Variants in PECR observed in about 807,000 individuals in gnomAD.
PECR encodes the protein peroxisomal trans-2-enoyl-CoA reductase.
A neutral mutation model predicts 35.3 loss-of-function variants in PECR; 30 were observed. The observed-to-expected ratio is 0.85, with a 90% CI of 0.64 to 1.15. The LOEUF (loss-of-function observed/expected upper bound fraction) is 1.15, where lower values mean the gene tolerates loss of function less well. Among genes scored for constraint, PECR ranks in the 50% most tolerant of loss-of-function variants. PECR has a pLI of 0.00. For missense variants in PECR, 392 were observed against 370.8 expected (o/e 1.06, Z -0.47); for synonymous variants, 148 against 138.9 (o/e 1.07, Z -0.46).
chr2:216,042,340 G>A (rs974050528), intron 7 of PECR, among the ~76,000 whole-genome samples: 8 of 152,306 alleles, frequency 5.3e-5, no homozygotes, highest in Middle Eastern at 3.4e-3. Context: ...GTTTTTGCTC[G>A]CCTCTCACAT....
intron 1 of PECR, among the ~76,000 whole-genome samples, chr2:216,074,948 T>C (rs1311372945): frequency 6.6e-6 from 1 of 152,184 alleles, no homozygotes; most frequent in Non-Finnish European, 1.5e-5. Context: ...TATGCAGCTT[T>C]AAAATGAATG....
downstream of PECR, among the ~76,000 whole-genome samples, chr2:216,034,931 G>A (rs1694769441): frequency 1.3e-5 from 2 of 152,120 alleles, no homozygotes; most frequent in South Asian, 2.1e-4. Context: ...GGCTGTAGAC[G>A]GCCCATTAGC....
At chr2:216,081,539 C>G in intron 1 of PECR, 79 bp downstream of exon 1, 1 of 1,580,186 alleles carries the variant, frequency 6.3e-7, no homozygotes, top group South Asian at 1.1e-5. Flanking sequence ...TCAGCCCCGC[C>G]GAGAGCTCCT....
chr2:216,059,862 T>C (rs978569594), intron 3 of PECR, among the ~76,000 whole-genome samples: 13 of 152,250 alleles, frequency 8.5e-5, no homozygotes, highest in Non-Finnish European at 7.3e-5. Context: ...TTTCTTCTTT[T>C]GCAAAATTGT....
downstream of PECR, chr2:216,033,716 C>T (rs905686841): frequency 6.6e-6 from 1 of 152,414 alleles, no homozygotes; most frequent in African/African-American, 2.4e-5. Context: ...CTCTGTAAGG[C>T]AATGTGAATG....
intron 3 of PECR, among the ~76,000 whole-genome samples, chr2:216,059,661 A>G (rs1191290951): frequency 3.3e-5 from 5 of 152,174 alleles, no homozygotes; most frequent in Non-Finnish European, 7.4e-5. Flanking sequence ...TGTAGTTTCT[A>G]CACGCCACTG....
intron 3 of PECR, among the ~76,000 whole-genome samples, chr2:216,061,970 ATG>A (rs5838567): frequency 6.6e-6 from 1 of 150,410 alleles, no homozygotes. Flanking sequence ...GTGTGTGAGT[ATG>A]TGTGTGTGTG....
At chr2:216,042,095 C>T (rs1425077282) in intron 7 of PECR, among the ~76,000 whole-genome samples, 1 of 152,202 alleles carries the variant, frequency 6.6e-6, no homozygotes, top group Non-Finnish European at 1.5e-5. Flanking sequence ...GTTTTAGAGG[C>T]CCAGACTTGT....
intron 7 of PECR, among the ~76,000 whole-genome samples, chr2:216,031,281 C>A (rs1403681436): frequency 1.3e-5 from 2 of 151,956 alleles, no homozygotes; most frequent in Non-Finnish European, 2.9e-5. Context: ...GTGGTGGGCG[C>A]CTGTAAACCC....
At chr2:216,034,397 T>C (rs562509254), downstream of PECR, among the ~76,000 whole-genome samples, 2 of 152,246 alleles carry the variant, frequency 1.3e-5, no homozygotes, top group Non-Finnish European at 2.9e-5. Flanking sequence ...ACAGCCCTGC[T>C]GTCCATCTAG....
At chr2:216,075,096 C>A (rs1039315005) in intron 1 of PECR, among the ~76,000 whole-genome samples, 1 of 152,100 alleles carries the variant, frequency 6.6e-6, no homozygotes. Flanking sequence ...CTGGATGAGA[C>A]CTTGTCTCTA....
At position 216,058,888 on chromosome 2, in the gene PECR, C is replaced by A; in HGVS notation, c.506+7G>T. ...ACTTAGAAAGAAAACTATATAAAAA[C>A]GCTTACACAGCTAATGGAAATCCAG... On this transcript the variant is annotated splice_region_variant and intron_variant, in intron 4 of 7. Coordinates refer to ENST00000265322, the MANE Select transcript of PECR (RefSeq NM_018441.6). 1 of 1,524,440 alleles carries A rather than the reference C, an allele frequency of 6.6e-7. No homozygotes were observed. The highest frequency in any genetic ancestry group is 2.3e-5 in the East Asian group (1 of 44,370). The allele number at this position is 1,524,440 out of a possible 1,614,324, so 94.4% of individuals were successfully genotyped here. A position where few individuals can be genotyped will look rare whatever the true frequency, so the allele number is the denominator to read the frequency against.
At chr2:216,051,377 C>T (rs1348337644) in intron 5 of PECR, 72 bp downstream of exon 5, 2 of 890,244 alleles carry the variant, frequency 2.2e-6, no homozygotes, top group African/African-American at 3.3e-5. Context: ...TACCAAATAC[C>T]TCTATCAACA....
intron 7 of PECR, among the ~76,000 whole-genome samples, chr2:216,030,948 T>TCACA (rs1416270025): frequency 2.1e-5 from 2 of 97,334 alleles, no homozygotes; most frequent in East Asian, 2.5e-4. Context: ...TCTCTCTCTC[T>TCACA]CTCTCTCTCA....
downstream of PECR, among the ~76,000 whole-genome samples, chr2:216,034,323 C>G (rs1294025294): frequency 1.3e-5 from 2 of 152,164 alleles, no homozygotes; most frequent in South Asian, 2.1e-4. Context: ...CTGTGGGTCC[C>G]AGCTGCTGCC....
chr2:216,034,325 G>A (rs766385589), downstream of PECR, among the ~76,000 whole-genome samples: 10 of 152,198 alleles, frequency 6.6e-5, no homozygotes, highest in Non-Finnish European at 1.3e-4. Context: ...GTGGGTCCCA[G>A]CTGCTGCCCC....
rs116003452 is a variant in PECR, at chr2:216,046,922, C to T, written c.714+2341G>A. On this transcript the variant is annotated intron_variant, in intron 6 of 7. Transcript: ENST00000265322. ...TGGGATTTGATGATATTATAGTATA[C>T]CCATAACAAGTTTCAGAAAATAACA... Among the ~76,000 whole-genome samples, 1,119 of 152,192 alleles carry T rather than the reference C, an allele frequency of 7.4e-3. 9 individuals are homozygous for T. Among genetic ancestry groups the T allele is most frequent in the African/African-American group, 0.026 (1,061 of 41,520 alleles).
rs1248601770 is a variant in PECR, at chr2:216,051,432, A to G, written c.603+17T>C. Reference sequence around the variant, plus strand: ...GCATAATTTGTCAATAAATTTCAATATAGATCGTTTACCTACAGGGGCAAC... The same window carrying G: ...GCATAATTTGTCAATAAATTTCAATGTAGATCGTTTACCTACAGGGGCAAC... On this transcript the variant is annotated intron_variant, in intron 5 of 7. Coordinates refer to ENST00000265322, the MANE Select transcript of PECR (RefSeq NM_018441.6). 6.9e-7 allele frequency: 1 copy of G among 1,441,640 alleles called. No homozygotes were observed. The highest frequency in any genetic ancestry group is 1.7e-5 in the Admixed American group (1 of 59,824). 89.3% of individuals were successfully genotyped at this position (1,441,640 alleles called of 1,614,324 possible). A position where few individuals can be genotyped will look rare whatever the true frequency, so the allele number is the denominator to read the frequency against.
At chr2:216,062,106 C>A (rs999455021) in intron 3 of PECR, among the ~76,000 whole-genome samples, 1 of 148,972 alleles carries the variant, frequency 6.7e-6, no homozygotes, top group Non-Finnish European at 1.5e-5. Context: ...AGCCTGGAGG[C>A]GCCATCCCAG....
Sources: gnomAD v4.1 joint callset for allele counts (sites outside exome capture counted in the v4.1 genomes callset) on GRCh38, gnomAD v4.1.1 for gene constraint, MANE v1.5 for transcripts, NCBI Gene and HGNC (gene_info 2026-07-23, HGNC 2026-07-21) for gene names.